SPOCK1: variants seen among roughly 807,000 people sequenced by gnomAD.
The protein encoded by SPOCK1 is SPARC (osteonectin), cwcv and kazal like domains proteoglycan 1.
In SPOCK1, 23 loss-of-function variants were observed where a neutral mutation model predicts 55.3. The ratio of observed to expected loss-of-function variants is 0.42; its 90% CI spans 0.30 to 0.59. SPOCK1 has a LOEUF of 0.59. Ranked by LOEUF, SPOCK1 falls within the 20% of genes least tolerant of loss-of-function variation. The probability of loss-of-function intolerance (pLI) is 0.22; values close to 1 mark genes in which losing one functional copy is unlikely to be tolerated. For missense variants in SPOCK1, 499 were observed against 552.5 expected (o/e 0.90, Z 0.97); for synonymous variants, 226 against 221.0 (o/e 1.02, Z -0.20).
At chr5:137,321,246 C>G (rs1026401533) in intron 2 of SPOCK1, among the ~76,000 whole-genome samples, 1 of 148,050 alleles carries the variant, frequency 6.8e-6, no homozygotes, top group East Asian at 2.0e-4. Context: ...CTATGGGACA[C>G]CACAGAGACC....
At chr5:137,092,372 C>T (rs1753068184) in intron 5 of SPOCK1, among the ~76,000 whole-genome samples, 1 of 152,212 alleles carries the variant, frequency 6.6e-6, no homozygotes, top group Non-Finnish European at 1.5e-5. Flanking sequence ...CTGAGATTTA[C>T]AGGAGGAAGA....
intron 2 of SPOCK1, among the ~76,000 whole-genome samples, chr5:137,303,730 G>C (rs928167441): frequency 1.3e-5 from 2 of 152,224 alleles, no homozygotes; most frequent in South Asian, 2.1e-4. Context: ...AGGGAACCTA[G>C]GAGTGGGCTC....
chr5:137,007,907 A>G (rs1163700565), intron 6 of SPOCK1, among the ~76,000 whole-genome samples: 1 of 152,170 alleles, frequency 6.6e-6, no homozygotes, highest in African/African-American at 2.4e-5. Flanking sequence ...CATCAATGAT[A>G]GACTGGAAAA....
chr5:137,134,075 A>C (rs1314147060), intron 4 of SPOCK1, among the ~76,000 whole-genome samples: 1 of 152,032 alleles, frequency 6.6e-6, no homozygotes, highest in Non-Finnish European at 1.5e-5. Flanking sequence ...ACAGGCATGG[A>C]CTCTGGAAGT....
chr5:137,355,437 C>A (rs563024598), intron 2 of SPOCK1, among the ~76,000 whole-genome samples: 1 of 152,302 alleles, frequency 6.6e-6, no homozygotes, highest in East Asian at 1.9e-4. Context: ...GATCCTCCCA[C>A]CTCAGCTTTC....
chr5:137,439,647 G>A (rs1318780216), intron 2 of SPOCK1, among the ~76,000 whole-genome samples: 1 of 152,134 alleles, frequency 6.6e-6, no homozygotes, highest in Non-Finnish European at 1.5e-5. Flanking sequence ...TGAGGGCATA[G>A]GTTTAAGGCT....
intron 3 of SPOCK1, among the ~76,000 whole-genome samples, chr5:137,152,236 T>G (rs1754330802): frequency 6.6e-6 from 1 of 152,222 alleles, no homozygotes; most frequent in Admixed American, 6.5e-5. Context: ...TGCTATTCAG[T>G]CATGACTAAA....
intron 4 of SPOCK1, among the ~76,000 whole-genome samples, chr5:137,136,699 T>G (rs1481466524): frequency 6.6e-6 from 1 of 152,176 alleles, no homozygotes; most frequent in Non-Finnish European, 1.5e-5. Context: ...AAATTAAAAA[T>G]TATTTTAAAG....
chr5:137,243,599 A>T (rs1194366337), intron 3 of SPOCK1, among the ~76,000 whole-genome samples: 1 of 152,214 alleles, frequency 6.6e-6, no homozygotes, highest in African/African-American at 2.4e-5. Flanking sequence ...ACCCTAAATT[A>T]ATCAACGTAA....
At chr5:137,258,311 G>C (rs1450747590) in intron 3 of SPOCK1, among the ~76,000 whole-genome samples, 2 of 152,178 alleles carry the variant, frequency 1.3e-5, no homozygotes, top group Non-Finnish European at 2.9e-5. Context: ...CTTTCATCAG[G>C]CATGGTTTCT....
rs1158049394 is a variant in SPOCK1 at position 137,112,548 on chromosome 5, T to C, written c.361A>G (p.Asn121Asp). The C allele has an allele frequency of 1.2e-6, 2 of 1,613,292 alleles. No individual in the cohort carries two copies. The highest frequency in any genetic ancestry group is 2.2e-5 in the East Asian group (1 of 44,872). ...CCAACCCAGTGTTTCTGGGCCACGT[T>C]CCCCTTCTTTTGCCTAAAGATGAGA... Reference protein sequence around the residue: ...KHLLPRQKKGNVAQKHWVGPS... With the variant: ...KHLLPRQKKGDVAQKHWVGPS... The change falls in exon 5 of 11, where the codon AAC becomes GAC. Residue 121 changes from asparagine (N) to aspartate (D), a missense_variant. Physicochemically the swap from Asn to Asp is conservative, Grantham distance 23 (BLOSUM62 1). Transcript: ENST00000394945.
At chr5:137,383,486 T>C (rs1432869988) in intron 2 of SPOCK1, among the ~76,000 whole-genome samples, 2 of 152,198 alleles carry the variant, frequency 1.3e-5, no homozygotes, top group Admixed American at 6.5e-5. Context: ...AAGCTAATAA[T>C]GATCCTTACC....
intron 2 of SPOCK1, among the ~76,000 whole-genome samples, chr5:137,388,041 G>T (rs1751633580): frequency 6.6e-6 from 1 of 152,094 alleles, no homozygotes; most frequent in African/African-American, 2.4e-5. Flanking sequence ...TCCCATAAAA[G>T]CTATTGAACT....
intron 3 of SPOCK1, among the ~76,000 whole-genome samples, chr5:137,264,401 A>G (rs1367954283): frequency 6.6e-6 from 1 of 152,024 alleles, no homozygotes; most frequent in East Asian, 1.9e-4. Flanking sequence ...TTTCAAATCC[A>G]CCTTTCTGAC....
At chr5:137,084,416 G>A (rs776187373) in intron 5 of SPOCK1, among the ~76,000 whole-genome samples, 1 of 151,982 alleles carries the variant, frequency 6.6e-6, no homozygotes, top group African/African-American at 2.4e-5. Context: ...CATGGATAAC[G>A]TCTTTCTTCT....
chr5:137,393,671 C>G (rs1028778040), intron 2 of SPOCK1, among the ~76,000 whole-genome samples: 6 of 152,252 alleles, frequency 3.9e-5, no homozygotes, highest in African/African-American at 1.4e-4. Flanking sequence ...GGAGGTGACA[C>G]AGCTGCAATT....
chr5:137,108,217 T>C (rs1249764939), intron 5 of SPOCK1, among the ~76,000 whole-genome samples: 1 of 152,186 alleles, frequency 6.6e-6, no homozygotes, highest in African/African-American at 2.4e-5. Flanking sequence ...TTAGGAGCAA[T>C]GTCTAAAACA....
rs983699058 is a variant in SPOCK1 at position 137,138,704 on chromosome 5, C to T, written c.347+1876G>A. On this transcript the variant is annotated intron_variant, in intron 4 of 10. Transcript: ENST00000394945. ...TTAAAAGGAACTTCAAATAATAACC[C>T]CCCCCCCCCAAAAAAAAGTGGTATT... is the stretch of plus-strand genomic sequence containing the variant. Among the ~76,000 whole-genome samples, 25 of 12,804 alleles carry T rather than the reference C, an allele frequency of 2.0e-3. No individual in the cohort carries two copies. In the East Asian group the frequency reaches 0.024, roughly 12 times the overall value. The allele number at this position is 12,804 out of a possible 152,430, so 8.4% of individuals were successfully genotyped here. A position where few individuals can be genotyped will look rare whatever the true frequency, so the allele number is the denominator to read the frequency against.
At chr5:137,404,472 C>A (rs1447883880) in intron 2 of SPOCK1, among the ~76,000 whole-genome samples, 1 of 147,528 alleles carries the variant, frequency 6.8e-6, no homozygotes, top group Admixed American at 6.9e-5. Context: ...TGCAATGGCG[C>A]GATCTTGGCT....
Sources: gnomAD v4.1 joint callset for allele counts (sites outside exome capture counted in the v4.1 genomes callset) on GRCh38, gnomAD v4.1.1 for gene constraint, MANE v1.5 for transcripts, NCBI Gene and HGNC (gene_info 2026-07-23, HGNC 2026-07-21) for gene names.